Variants in APOL2 observed in about 807,000 individuals in gnomAD.
The protein encoded by APOL2 is apolipoprotein L2.
In APOL2, 8 loss-of-function variants were observed where a neutral mutation model predicts 7.1. That is an observed-to-expected ratio of 1.12 (90% CI 0.66 to 2.03). The LOEUF is 2.03. Ranked by LOEUF, APOL2 falls within the 30% of genes most tolerant of loss-of-function variation. The pLI, the probability that APOL2 is intolerant of heterozygous loss-of-function variation, is 0.00. For missense variants in APOL2, 471 were observed against 415.1 expected, an observed-to-expected ratio of 1.13 and a Z score of -1.17; for synonymous variants, 177 against 159.9, an observed-to-expected ratio of 1.11 and a Z score of -0.81.
At chr22:36,239,898 A>C, upstream of APOL2, 2 of 211,960 alleles carry the variant, frequency 9.4e-6, no homozygotes, top group African/African-American at 2.3e-5. Context: ...TGGGGGAGAG[A>C]AGTCAGACTC....
chr22:36,231,283 G>A lies in APOL2; in HGVS notation c.137+57C>T, dbSNP rs865791809. 3.5e-5 allele frequency: 56 copies of A among 1,598,254 alleles called. No homozygotes were observed. The African/African-American group carries it at 5.5e-4, about 16-fold the overall frequency. ...TGCCTGTCAGGGACAACCAGCCCAG[G>A]GGAGATCTGAGTGGCATCGCTGGGG... On this transcript the variant is annotated intron_variant, in intron 4 of 4. Transcript: ENST00000358502.
rs1603481252 is a variant in APOL2 at position 36,239,290 on chromosome 22, G to A, written c.-134+151C>T. The A allele has an allele frequency of 3.7e-6, 5 of 1,353,046 alleles. No individual in the cohort carries two copies. The East Asian group carries it at 1.1e-4, about 29-fold the overall frequency. The allele number at this position is 1,353,046 out of a possible 1,614,324, so 83.8% of individuals were successfully genotyped here. ...GGAGCAATCAGACTCAAGCCTGGGT[G>A]CAAATCCCGGCTCTGCCACTGCTTT... On this transcript the variant is annotated intron_variant, in intron 1 of 4. Transcript: ENST00000358502.
At chr22:36,236,925 C>T (rs1230893697) in intron 1 of APOL2, 31 of 1,309,108 alleles carry the variant, frequency 2.4e-5, no homozygotes, top group Non-Finnish European at 2.9e-5. Flanking sequence ...TTCCCTTCCC[C>T]TTCTTCCTGC....
chr22:36,230,692 T>C (rs988433434), intron 4 of APOL2, among the ~76,000 whole-genome samples: 9 of 152,140 alleles, frequency 5.9e-5, no homozygotes, highest in African/African-American at 9.7e-5. Context: ...ATTGAATTGC[T>C]ATTCCTATTG....
intron 1 of APOL2, among the ~76,000 whole-genome samples, chr22:36,237,707 C>A (rs2015457256): frequency 6.6e-6 from 1 of 152,212 alleles, no homozygotes; most frequent in South Asian, 2.1e-4. Flanking sequence ...CGTGGCACTG[C>A]ACCCTTCTGA....
At chr22:36,232,182 G>C (rs1420005371) in intron 3 of APOL2, among the ~76,000 whole-genome samples, 2 of 152,224 alleles carry the variant, frequency 1.3e-5, no homozygotes, top group African/African-American at 4.8e-5. Flanking sequence ...ATAAATACTT[G>C]TCTCTGACAC....
chr22:36,239,507 C>A lies in APOL2; in HGVS notation c.-200G>T, dbSNP rs1260068581. 2.5e-6 allele frequency: 4 copies of A among 1,586,022 alleles called. No individual in the cohort carries two copies. The highest frequency in any genetic ancestry group is 3.4e-6 in the Non-Finnish European group (4 of 1,172,966). Reference sequence around the variant, plus strand: ...GTTCTGAGCTGTGTGGATCCCACGTCCAGCTGTGCATCTGTGTAATAACCA... The same window carrying A: ...GTTCTGAGCTGTGTGGATCCCACGTACAGCTGTGCATCTGTGTAATAACCA... On this transcript the variant is annotated 5_prime_UTR_variant, in exon 1 of 5. Transcript: ENST00000358502.
At chr22:36,230,111 T>A (rs578020601) in intron 4 of APOL2, among the ~76,000 whole-genome samples, 1 of 152,378 alleles carries the variant, frequency 6.6e-6, no homozygotes, top group South Asian at 2.1e-4. Flanking sequence ...ACCATCTATA[T>A]AAATTGCTAA....
In APOL2 at chr22:36,236,481, G is replaced by A. The variant is rs942495428; in HGVS notation, c.-134+2960C>T. 3.6e-6 allele frequency: 3 copies of A among 830,550 alleles called. No homozygotes were observed. The African/African-American group carries it at 5.5e-5, about 15-fold the overall frequency. The allele number at this position is 830,550 out of a possible 1,614,324, so 51.4% of individuals were successfully genotyped here. ...AAGGTGGAGAGGAGAGATAGAGGGA[G>A]TGTACAAACAAGATGAAAATGACTA... On this transcript the variant is annotated intron_variant, in intron 1 of 4. Transcript: ENST00000358502.
intron 4 of APOL2, among the ~76,000 whole-genome samples, chr22:36,229,672 A>G (rs1352654536): frequency 2.0e-5 from 3 of 152,190 alleles, no homozygotes; most frequent in Admixed American, 2.0e-4. Flanking sequence ...TCTAAGGATG[A>G]TTTTAGGAAT....
chr22:36,236,865 G>A (rs78454335), intron 1 of APOL2: 7 of 1,245,838 alleles, frequency 5.6e-6, no homozygotes, highest in East Asian at 3.3e-5. Context: ...GTATGCAGAG[G>A]GGCATCTGGA....
chr22:36,236,714 CT>C (rs1410439374), intron 1 of APOL2: 95 of 985,270 alleles, frequency 9.6e-5, no homozygotes, highest in Middle Eastern at 5.2e-4. Flanking sequence ...CAAAAGCCCC[CT>C]CCTCAAAAGC....
At chr22:36,236,643 C>T (rs1017546193) in intron 1 of APOL2, 1 of 985,406 alleles carries the variant, frequency 1.0e-6, no homozygotes, top group Non-Finnish European at 1.2e-6. Context: ...AGCAGCTGGT[C>T]TTTGTTTGCA....
rs1264992885 is a variant in APOL2, at chr22:36,227,526, A to C, written c.892T>G (p.Leu298Val). Reference protein sequence around the residue: ...VVSLAYESKHLLEGAKSESAE... With the variant: ...VVSLAYESKHVLEGAKSESAE... The stretch of plus-strand genomic sequence containing the variant: ...GACTCTGACTTTGCCCCCTCAAGCA[A>C]GTGCTTTGACTCATATGCAAGGCTG... Residue 298 changes from leucine (L) to valine (V), a missense_variant, in exon 5 of 5, where the codon TTG becomes GTG. Transcript: ENST00000358502. 2 of 1,614,156 alleles carry C rather than the reference A, an allele frequency of 1.2e-6. No individual in the cohort carries two copies. The highest frequency in any genetic ancestry group is 2.7e-5 in the African/African-American group (2 of 75,042).
At chr22:36,239,277 C>T (rs932578099) in intron 1 of APOL2, 164 bp downstream of exon 1, 3 of 1,381,206 alleles carry the variant, frequency 2.2e-6, no homozygotes, top group Non-Finnish European at 2.8e-6. Context: ...AGCAATCAGA[C>T]TCAAGCCTGG....
At chr22:36,232,402 G>A (rs532532357) in intron 3 of APOL2, among the ~76,000 whole-genome samples, 2 of 152,338 alleles carry the variant, frequency 1.3e-5, no homozygotes, top group Admixed American at 1.3e-4. Flanking sequence ...ACAGATGAGG[G>A]GACTGGGTGG....
intron 1 of APOL2, among the ~76,000 whole-genome samples, chr22:36,238,503 G>A (rs902821168): frequency 3.9e-5 from 6 of 152,092 alleles, no homozygotes; most frequent in African/African-American, 9.7e-5. Context: ...GCAGAGGGGA[G>A]GCCAACATCT....
At chr22:36,230,060 C>G (rs1206836377) in intron 4 of APOL2, among the ~76,000 whole-genome samples, 4 of 152,356 alleles carry the variant, frequency 2.6e-5, no homozygotes, top group African/African-American at 9.6e-5. Context: ...AGGCCATGTG[C>G]AATTTTATGG....
chr22:36,233,112 G>A, intron 3 of APOL2, 41 bp downstream of exon 3: 1 of 1,596,644 alleles, frequency 6.3e-7, no homozygotes, highest in Non-Finnish European at 8.6e-7. Context: ...TCCATTCTAG[G>A]TGCGAGTAGG....
Sources: gnomAD v4.1 joint callset for allele counts (sites outside exome capture counted in the v4.1 genomes callset) on GRCh38, gnomAD v4.1.1 for gene constraint, MANE v1.5 for transcripts, NCBI Gene and HGNC (gene_info 2026-07-23, HGNC 2026-07-21) for gene names.